MYH14: variants seen among roughly 807,000 people sequenced by gnomAD.
The protein encoded by MYH14 is myosin heavy chain 14, also known as myosin-14.
In MYH14, 123 loss-of-function variants were observed where a neutral mutation model predicts 255.5. The observed-to-expected ratio is 0.48, with a 90% confidence interval of 0.42 to 0.56. The LOEUF is 0.56. Among genes scored for constraint, MYH14 ranks in the 20% least tolerant of loss-of-function variants. The pLI, the probability that MYH14 is intolerant of heterozygous loss-of-function variation, is 0.00. For synonymous variants in MYH14, 1,095 were observed against 1,161.2 expected, an observed-to-expected ratio of 0.94 and a Z score of 1.16; for missense variants, 2,423 against 2,802.3, an observed-to-expected ratio of 0.86 and a Z score of 3.06.
Position 50,276,937 on chromosome 19 carries a change from C to T in MYH14, c.3825+36C>T, listed in dbSNP as rs1489722569. The T allele has an allele frequency of 2.1e-5, 15 of 713,688 alleles. No individual in the cohort carries two copies. The highest frequency in any genetic ancestry group is 4.3e-5 in the South Asian group (2 of 46,534). 44.2% of individuals were successfully genotyped at this position (713,688 alleles called of 1,614,324 possible). A position where few individuals can be genotyped will look rare whatever the true frequency, so the allele number is the denominator to read the frequency against. ...GCAGGGGGACAGGGCAGGGGGGCCA[C>T]GGGGAGGGCAGGGCAGGACGCGGGG... On this transcript the variant is annotated intron_variant, in intron 29 of 42. Coordinates refer to ENST00000642316, the MANE Select transcript of MYH14 (RefSeq NM_001145809.2). The surrounding 1 kb of genome is among the most constrained non-coding windows in gnomAD (Gnocchi z 4.3).
Position 50,293,947 on chromosome 19 carries a change from T to C in MYH14, c.5469+260T>C, listed in dbSNP as rs753422749. Reference sequence around the variant, plus strand: ...GATCATGGAAGTCTCCTGGGCCCAGTAGAGAGAGAGAAAAGACTTTCTGCA... The same window carrying C: ...GATCATGGAAGTCTCCTGGGCCCAGCAGAGAGAGAGAAAAGACTTTCTGCA... On this transcript the variant is annotated intron_variant, in intron 39 of 42. Coordinates refer to ENST00000642316, the MANE Select transcript of MYH14 (RefSeq NM_001145809.2). The surrounding 1 kb of genome is among the most constrained non-coding windows in gnomAD (Gnocchi z 4.1). 1.3e-5 allele frequency among the ~76,000 whole-genome samples: 2 copies of C among 151,732 alleles called. No individual in the cohort carries two copies. The highest frequency in any genetic ancestry group is 3.9e-4 in the East Asian group (2 of 5,190).
At chr19:50,249,385 C>T in intron 13 of MYH14, 1 of 617,236 alleles carries the variant, frequency 1.6e-6, no homozygotes, top group Non-Finnish European at 2.8e-6. Context: ...CCCTCTCTCT[C>T]TGGGTCTCTG....
chr19:50,230,448 C>A lies in MYH14; in HGVS notation c.875-77C>A. ...ACAGGAGAGAAGGGGGCAGCGTGGG[C>A]AGGGCAGGCTCCTGTAGTGGCCTGG... On this transcript the variant is annotated intron_variant, in intron 8 of 42. Transcript: ENST00000642316. The surrounding 1 kb of genome is among the most constrained non-coding windows in gnomAD (Gnocchi z 4.7). 7.7e-7 allele frequency: 1 copy of A among 1,290,530 alleles called. No individual in the cohort carries two copies. The highest frequency in any genetic ancestry group is 1.1e-6 in the Non-Finnish European group (1 of 912,014). 79.9% of individuals were successfully genotyped at this position (1,290,530 alleles called of 1,614,324 possible).
chr19:50,276,037 C>A lies in MYH14; in HGVS notation c.3514C>A (p.Arg1172=), dbSNP rs373919106. The change falls in exon 28 of 43, where the codon CGG becomes AGG. Residue 1172 remains arginine, a synonymous_variant. Coordinates refer to ENST00000642316, the MANE Select transcript of MYH14 (RefSeq NM_001145809.2). The surrounding 1 kb of genome is among the most constrained non-coding windows in gnomAD (Gnocchi z 4.3). ...CCGGGCCCAGCTGCTGAAATCCCTG[C>A]GGGAGGCTCAAGCAGCCCTGGCCGA... ...GARAQLLKSL[R]EAQAALAEAQ... The A allele has an allele frequency of 1.6e-4, 258 of 1,612,624 alleles. 1 individual carries two copies. Among genetic ancestry groups the A allele is most frequent in the Non-Finnish European group, 3.3e-5 (39 of 1,179,628 alleles).
chr19:50,219,474 C>T (rs1011025154), intron 3 of MYH14, among the ~76,000 whole-genome samples: 5 of 152,138 alleles, frequency 3.3e-5, no homozygotes, highest in African/African-American at 1.2e-4. Flanking sequence ...CTATTGAAAA[C>T]AGTATGGAGA....
In MYH14 at chr19:50,266,970, G is replaced by T. The variant is rs760505025; in HGVS notation, c.2788G>T (p.Ala930Ser). 1.9e-6 allele frequency: 3 copies of T among 1,567,394 alleles called. No individual in the cohort carries two copies. Among genetic ancestry groups the T allele is most frequent in the Non-Finnish European group, 2.6e-6 (3 of 1,156,412 alleles). Residue 930 changes from alanine to serine, a missense_variant, in exon 23 of 43, where the codon GCC (alanine) becomes TCC (serine). Around this residue, in one of 3 missense-constraint regions of MYH14, gnomAD observed 1,513 missense variants for 1,674.8 expected, o/e 0.90. Coordinates refer to ENST00000642316, the MANE Select transcript of MYH14 (RefSeq NM_001145809.2). The surrounding 1 kb of genome is among the most constrained non-coding windows in gnomAD (Gnocchi z 4.1). ...QKVQELQQQS[A>S]REVGELQGRV... ...AGTGCAGGAGCTACAGCAGCAGAGC[G>T]CCCGCGAAGTTGGGGAGCTCCAGGG... is the stretch of plus-strand genomic sequence containing the variant.
At chr19:50,212,956 T>C (rs970952382) in intron 2 of MYH14, among the ~76,000 whole-genome samples, 1 of 152,098 alleles carries the variant, frequency 6.6e-6, no homozygotes, top group African/African-American at 2.4e-5. Flanking sequence ...TTTTATTCAT[T>C]TATATATATT....
intron 1 of MYH14, among the ~76,000 whole-genome samples, chr19:50,209,132 T>A (rs1021797051): frequency 3.9e-5 from 6 of 152,186 alleles, no homozygotes; most frequent in Non-Finnish European, 7.3e-5. Context: ...CACTCCAGCC[T>A]GAGCAACGGA....
Position 50,256,859 on chromosome 19 carries a change from C to G in MYH14, c.2045-440C>G, listed in dbSNP as rs147458175. Among the ~76,000 whole-genome samples the G allele has an allele frequency of 6.2e-3, 951 of 152,304 alleles. 10 individuals are homozygous for G. The highest frequency in any genetic ancestry group is 0.022 in the African/African-American group (916 of 41,566). On this transcript the variant is annotated intron_variant, in intron 17 of 42. Transcript: ENST00000642316. ...GTTTTCTCTCTCTATGCCTCAGTTT[C>G]CAAATCTGTAAAATGGGAATGATTC...
chr19:50,268,409 C>G (rs775949614), intron 24 of MYH14, 42 bp downstream of exon 24: 2 of 1,537,364 alleles, frequency 1.3e-6, no homozygotes, highest in African/African-American at 2.7e-5. Flanking sequence ...CTCCAGACCC[C>G]TCTGTCTACA....
intron 6 of MYH14, 114 bp downstream of exon 6, chr19:50,224,291 G>A: frequency 7.2e-7 from 1 of 1,396,904 alleles, no homozygotes. Flanking sequence ...CACCTGCCAG[G>A]GACCCCTCTG....
Position 50,249,709 on chromosome 19 carries a change from C to T in MYH14, c.1542C>T (p.Phe514=), listed in dbSNP as rs1600938239. The T allele has an allele frequency of 6.2e-7, 1 of 1,614,230 alleles. No individual in the cohort carries two copies. Among genetic ancestry groups the T allele is most frequent in the South Asian group, 1.1e-5 (1 of 91,078 alleles). Reference sequence around the variant, plus strand: ...CCAACGAGAAGCTGCAGCAGCTCTTCAACCACACCATGTTCGTGCTGGAGC... The same window carrying T: ...CCAACGAGAAGCTGCAGCAGCTCTTTAACCACACCATGTTCGTGCTGGAGC... ...NYTNEKLQQL[F]NHTMFVLEQE... The change falls in exon 14 of 43, where the codon TTC becomes TTT. Residue 514 remains phenylalanine, a synonymous_variant. Transcript: ENST00000642316.
intron 1 of MYH14, among the ~76,000 whole-genome samples, chr19:50,207,237 AAG>A (rs148755965): frequency 0.079 from 7,465 of 94,920 alleles, 483 homozygotes; most frequent in African/African-American, 0.2. Flanking sequence ...TCTAAGAAAA[AAG>A]AGAGAGAGAG....
In MYH14 at chr19:50,263,326, G is replaced by A. The variant is rs547836952; in HGVS notation, c.2600G>A (p.Arg867His). Residue 867 changes from arginine to histidine, a missense_variant, in exon 22 of 43, where the codon CGC (arginine) becomes CAC (histidine). Transcript: ENST00000642316. ...GYLARRAFQK[R>H]QQQQSALRVM... ...TCCCCACCCAGGGCCTTCCAGAAGC[G>A]CCAGCAGCAGCAGAGCGCCCTGAGG... 780 of 1,562,446 alleles carry A rather than the reference G, an allele frequency of 5.0e-4. 8 individuals carry two copies. The South Asian group carries it at 8.2e-3, about 16-fold the overall frequency.
chr19:50,297,398 C>T (rs2036307339), intron 39 of MYH14, among the ~76,000 whole-genome samples: 1 of 151,532 alleles, frequency 6.6e-6, no homozygotes, highest in Non-Finnish European at 1.5e-5. Context: ...CTGGCAGTCC[C>T]TGCTGTTTCT....
intron 10 of MYH14, among the ~76,000 whole-genome samples, chr19:50,243,892 G>C (rs2033988018): frequency 6.6e-6 from 1 of 152,096 alleles, no homozygotes; most frequent in African/African-American, 2.4e-5. Flanking sequence ...CATAGCGATA[G>C]GGCAAGCCTC....
At position 50,310,190 on chromosome 19, in the gene MYH14, T is replaced by TCTCC. The variant is rs1248095191; in HGVS notation, c.*408_*411dup. On this transcript the variant is annotated 3_prime_UTR_variant, in exon 43 of 43. Coordinates refer to ENST00000642316, the MANE Select transcript of MYH14 (RefSeq NM_001145809.2). ...CTCTGCTTCTCTCTCTCTCTCTCTC[T>TCTCC]CTCCCTCCCTCTCCTTCCCTACCCT... is the stretch of plus-strand genomic sequence containing the variant. 6 of 267,766 alleles carry TCTCC rather than the reference T, an allele frequency of 2.2e-5. No individual in the cohort carries two copies. The highest frequency in any genetic ancestry group is 9.2e-5 in the African/African-American group (4 of 43,628). 16.6% of individuals were successfully genotyped at this position (267,766 alleles called of 1,614,324 possible).
chr19:50,284,336 C>T (rs1360741756), intron 33 of MYH14, among the ~76,000 whole-genome samples: 1 of 151,572 alleles, frequency 6.6e-6, no homozygotes. Flanking sequence ...AGGTTTTATC[C>T]TGGTTTTTTT....
chr19:50,222,792 C>T (rs571500273), intron 3 of MYH14, among the ~76,000 whole-genome samples: 3 of 152,124 alleles, frequency 2.0e-5, no homozygotes, highest in Admixed American at 6.5e-5. Context: ...TAGGGTCTCA[C>T]GTTGAGGTCG....
Sources: allele counts gnomAD v4.1 joint callset (sites outside exome capture counted in the v4.1 genomes callset), GRCh38; gene constraint gnomAD v4.1.1; regional missense constraint gnomAD v4.1.1; non-coding constraint Gnocchi (gnomAD v3.1); transcripts MANE v1.5; gene names NCBI Gene and HGNC (gene_info 2026-07-23, HGNC 2026-07-21).